The following PM20D2 variants were observed in gnomAD, a reference collection of about 807,000 sequenced individuals.
PM20D2 encodes the protein xaa-Arg dipeptidase.
In PM20D2, 33 loss-of-function variants were observed where a neutral mutation model predicts 42.9. The observed-to-expected ratio is 0.77, with a 90% CI of 0.58 to 1.03. The LOEUF is 1.03. Among genes scored for constraint, PM20D2 ranks in the 50% least tolerant of loss-of-function variants. PM20D2 has a pLI of 0.00. For synonymous variants in PM20D2, 250 were observed against 228.2 expected, an observed-to-expected ratio of 1.10 and a Z score of -0.86; for missense variants, 548 against 557.0, an observed-to-expected ratio of 0.98 and a Z score of 0.16.
the PM20D2 span, among the ~76,000 whole-genome samples, chr6:89,110,450 G>A: frequency 1.3e-5 from 2 of 152,078 alleles, no homozygotes; most frequent in Non-Finnish European, 2.9e-5. Context: ...GTCTGGTGGA[G>A]GGAGGCGACC....
the PM20D2 span, chr6:89,105,146 T>C: frequency 1.2e-6 from 2 of 1,612,810 alleles, no homozygotes; most frequent in Non-Finnish European, 1.7e-6. Flanking sequence ...CCGCCTCCTA[T>C]TTCTTCCCCA....
chr6:89,140,721 T>G, the PM20D2 span, among the ~76,000 whole-genome samples: 472 of 152,246 alleles, frequency 3.1e-3, 9 homozygotes, highest in Non-Finnish European at 8.8e-4. Context: ...AACCTCCCTG[T>G]CCTCATTTCC....
intron 4 of PM20D2, among the ~76,000 whole-genome samples, chr6:89,157,117 G>T (rs1002688093): frequency 3.3e-5 from 5 of 151,862 alleles, no homozygotes; most frequent in Admixed American, 2.0e-4. Flanking sequence ...TTTTTGTAGA[G>T]ATAGGCTCTC....
chr6:89,143,261 T>C (rs1770400984), upstream of PM20D2, among the ~76,000 whole-genome samples: 2 of 152,180 alleles, frequency 1.3e-5, 1 homozygote, highest in African/African-American at 4.8e-5. Context: ...TAATACCCAG[T>C]ATAGTTGTAC....
the PM20D2 span, among the ~76,000 whole-genome samples, chr6:89,139,447 C>G: frequency 6.6e-6 from 1 of 152,192 alleles, no homozygotes; most frequent in Non-Finnish European, 1.5e-5. Flanking sequence ...CTCCTAGGCT[C>G]AAGCCATTCT....
At chr6:89,143,531 C>T (rs971036522), upstream of PM20D2, among the ~76,000 whole-genome samples, 135 of 152,200 alleles carry the variant, frequency 8.9e-4, no homozygotes, top group African/African-American at 3.1e-3. Context: ...ACTCCTCTCA[C>T]CCCCCCAAAA....
chr6:89,094,370 C>G, the PM20D2 span, among the ~76,000 whole-genome samples: 3 of 151,850 alleles, frequency 2.0e-5, no homozygotes, highest in Non-Finnish European at 2.9e-5. Flanking sequence ...ACAGGGTGTG[C>G]CACCACAGCT....
the PM20D2 span, among the ~76,000 whole-genome samples, chr6:89,095,379 A>C: frequency 6.6e-6 from 1 of 151,810 alleles, no homozygotes; most frequent in South Asian, 2.1e-4. Context: ...CGCCCGGCTA[A>C]TTTTTTTTGG....
At chr6:89,110,633 T>C in the PM20D2 span, among the ~76,000 whole-genome samples, 2 of 151,900 alleles carry the variant, frequency 1.3e-5, no homozygotes, top group Non-Finnish European at 2.9e-5. Flanking sequence ...GAGGTGGAGT[T>C]CTCCTTTTGA....
intron 2 of PM20D2, among the ~76,000 whole-genome samples, chr6:89,151,029 T>C (rs1770814952): frequency 6.6e-6 from 1 of 151,308 alleles, no homozygotes; most frequent in African/African-American, 2.4e-5. Flanking sequence ...TGGGCACCTG[T>C]AATCCCAGCT....
chr6:89,116,342 A>T, the PM20D2 span, among the ~76,000 whole-genome samples: 1 of 152,234 alleles, frequency 6.6e-6, no homozygotes, highest in Non-Finnish European at 1.5e-5. Context: ...CCCAAATCAT[A>T]AATTATGTTC....
At chr6:89,159,150 T>A (rs962976513) in intron 5 of PM20D2, among the ~76,000 whole-genome samples, 5 of 152,180 alleles carry the variant, frequency 3.3e-5, no homozygotes, top group African/African-American at 1.2e-4. Context: ...CTGTTAAATC[T>A]AGAACCCAAA....
At chr6:89,145,442 T>A (rs1310993840), upstream of PM20D2, among the ~76,000 whole-genome samples, 2 of 152,238 alleles carry the variant, frequency 1.3e-5, no homozygotes, top group Non-Finnish European at 1.5e-5. Context: ...TGGTTTTAAC[T>A]CATTTCAAAT....
At chr6:89,097,044 T>C in the PM20D2 span, 31 of 152,332 alleles carry the variant, frequency 2.0e-4, no homozygotes, top group African/African-American at 7.0e-4. Context: ...TTTATGGCAC[T>C]TGTCCAAATA....
At chr6:89,105,167 C>A in the PM20D2 span, 2 of 1,612,604 alleles carry the variant, frequency 1.2e-6, no homozygotes, top group Non-Finnish European at 8.5e-7. Flanking sequence ...TGAAGAACTT[C>A]TACTTCGAGT....
chr6:89,117,852 C>CA, the PM20D2 span: 1 of 1,562,004 alleles, frequency 6.4e-7, no homozygotes, highest in Non-Finnish European at 8.6e-7. Flanking sequence ...TCCTGATGAA[C>CA]AGGGAGGTGT....
the PM20D2 span, among the ~76,000 whole-genome samples, chr6:89,122,597 A>C: frequency 1.3e-5 from 2 of 152,222 alleles, no homozygotes; most frequent in African/African-American, 4.8e-5. Context: ...TTAATATCTT[A>C]ATCAGATTAA....
chr6:89,122,943 CAATCAGTTGGAG>C, the PM20D2 span, among the ~76,000 whole-genome samples: 1 of 152,202 alleles, frequency 6.6e-6, no homozygotes, highest in East Asian at 1.9e-4. Context: ...TCATTCCACA[CAATCAGTTGGAG>C]AATCTATGAT....
intron 1 of PM20D2, 80 bp downstream of exon 1, chr6:89,146,689 T>C: frequency 8.3e-7 from 1 of 1,199,310 alleles, no homozygotes; most frequent in Non-Finnish European, 1.1e-6. Context: ...CTCTCGTGCG[T>C]CCCGCGCGCC....
Sources: allele counts gnomAD v4.1 joint callset (sites outside exome capture counted in the v4.1 genomes callset), GRCh38; gene constraint gnomAD v4.1.1; transcripts MANE v1.5; gene names NCBI Gene and HGNC (gene_info 2026-07-23, HGNC 2026-07-21).